The following LRRC37A2 variants were observed in gnomAD, a reference collection of about 807,000 sequenced individuals.
LRRC37A2 encodes leucine rich repeat containing 37 member A2.
LRRC37A2 carries 9 observed loss-of-function variants against 68.8 expected under a neutral mutation model. That is an observed-to-expected ratio of 0.13 (90% CI 0.08 to 0.23). LRRC37A2 has a LOEUF of 0.23. LRRC37A2 is among the 10% of genes least tolerant of loss of function. LRRC37A2 has a pLI of 1.00. For missense variants in LRRC37A2, 168 were observed against 950.4 expected (o/e 0.18, Z 10.82); for synonymous variants, 63 against 367.6 (o/e 0.17, Z 9.48).
At chr17:46,774,117 T>A in the LRRC37A2 span, among the ~76,000 whole-genome samples, 1 of 152,220 alleles carries the variant, frequency 6.6e-6, no homozygotes, top group Non-Finnish European at 1.5e-5. Context: ...TCTGGCTGCA[T>A]CCAGCTTGCA....
At chr17:46,880,942 A>T in the LRRC37A2 span, among the ~76,000 whole-genome samples, 5 of 152,322 alleles carry the variant, frequency 3.3e-5, no homozygotes, top group Admixed American at 6.5e-5. Flanking sequence ...GATGAAGCCA[A>T]CCAGGGGCCT....
chr17:46,898,833 C>G, the LRRC37A2 span, among the ~76,000 whole-genome samples: 481 of 152,306 alleles, frequency 3.2e-3, 2 homozygotes, highest in Middle Eastern at 0.014. Context: ...ATTGGTGTAA[C>G]TTCTCTGGAA....
At chr17:46,785,412 C>A in the LRRC37A2 span, among the ~76,000 whole-genome samples, 1,617 of 152,278 alleles carry the variant, frequency 0.011, 39 homozygotes, top group African/African-American at 0.034. Flanking sequence ...GGCAGTGATC[C>A]ACGCCATAGG....
At chr17:46,496,379 G>A in the LRRC37A2 span, among the ~76,000 whole-genome samples, 16 of 148,938 alleles carry the variant, frequency 1.1e-4, no homozygotes, top group Admixed American at 4.0e-4. Context: ...CGAGGCGGGT[G>A]GATCACCTGA....
the LRRC37A2 span, among the ~76,000 whole-genome samples, chr17:46,852,024 C>T: frequency 6.6e-6 from 1 of 152,238 alleles, no homozygotes; most frequent in Non-Finnish European, 1.5e-5. Flanking sequence ...GCCCCGTCCG[C>T]CCCGGCCCCG....
chr17:46,773,684 C>T, the LRRC37A2 span: 1 of 1,343,102 alleles, frequency 7.4e-7, no homozygotes, highest in Admixed American at 2.0e-5. Context: ...CGAGGACGGG[C>T]CCAAAGATGG....
chr17:46,935,073 C>G, the LRRC37A2 span: 2 of 1,611,568 alleles, frequency 1.2e-6, no homozygotes, highest in Non-Finnish European at 1.7e-6. Context: ...TGCAGTTTAA[C>G]TCCTCCCTCC....
chr17:46,551,099 T>G (rs2056759221), intron 11 of LRRC37A2, among the ~76,000 whole-genome samples: 5 of 149,962 alleles, frequency 3.3e-5, no homozygotes, highest in African/African-American at 1.0e-4. Flanking sequence ...CGTCTCATAC[T>G]CTAGCCCTCC....
the LRRC37A2 span, among the ~76,000 whole-genome samples, chr17:46,566,875 CAA>C: frequency 1.9e-4 from 2 of 10,514 alleles, no homozygotes; most frequent in African/African-American, 2.0e-4. Flanking sequence ...AGAGGAATAA[CAA>C]GATTTAGGAG....
chr17:46,770,119 A>G, the LRRC37A2 span: 9 of 1,475,236 alleles, frequency 6.1e-6, no homozygotes, highest in South Asian at 1.2e-4. Context: ...TCCACCTCCC[A>G]GGCCAGGACG....
intron 6 of LRRC37A2, among the ~76,000 whole-genome samples, chr17:46,530,443 T>A (rs1291778115): frequency 7.0e-6 from 1 of 143,428 alleles, no homozygotes; most frequent in East Asian, 2.1e-4. Context: ...TGAAAAACCA[T>A]CTGGAATAGG....
chr17:46,940,382 T>G, the LRRC37A2 span: 2 of 1,524,510 alleles, frequency 1.3e-6, no homozygotes, highest in East Asian at 2.4e-5. Context: ...GACTGGAGGG[T>G]GGACTGGGGG....
chr17:46,472,772 G>A, the LRRC37A2 span, among the ~76,000 whole-genome samples: 1 of 13,682 alleles, frequency 7.3e-5, no homozygotes, highest in African/African-American at 4.2e-4. Context: ...AAAATTAGCC[G>A]GGCATGGTGG....
the LRRC37A2 span, chr17:46,923,561 C>T: frequency 3.0e-6 from 4 of 1,313,608 alleles, no homozygotes; most frequent in South Asian, 2.5e-5. Context: ...GTTGGTAGAC[C>T]TCGAGAGGAG....
intron 8 of LRRC37A2, among the ~76,000 whole-genome samples, chr17:46,543,192 T>C (rs550382642): frequency 2.9e-4 from 43 of 150,766 alleles, no homozygotes; most frequent in Non-Finnish European, 5.1e-4. Context: ...AAATGTCTTA[T>C]GGGAGTTCAT....
the LRRC37A2 span, among the ~76,000 whole-genome samples, chr17:46,988,185 C>T: frequency 4.6e-5 from 7 of 152,124 alleles, no homozygotes; most frequent in African/African-American, 1.4e-4. Flanking sequence ...AACAAACAAA[C>T]AAACAAACAA....
chr17:46,872,793 G>T, the LRRC37A2 span: 5 of 1,360,624 alleles, frequency 3.7e-6, no homozygotes, highest in Admixed American at 1.8e-5. Flanking sequence ...AGGGCTAGGG[G>T]ACGGGGAGGG....
chr17:46,882,879 A>G, the LRRC37A2 span, among the ~76,000 whole-genome samples: 9 of 152,236 alleles, frequency 5.9e-5, no homozygotes, highest in African/African-American at 1.9e-4. Flanking sequence ...CAGCACTCCA[A>G]TAGGTGGCTC....
At chr17:46,534,689 C>T (rs2054320203) in intron 6 of LRRC37A2, among the ~76,000 whole-genome samples, 1 of 149,970 alleles carries the variant, frequency 6.7e-6, no homozygotes, top group South Asian at 2.1e-4. Flanking sequence ...TCATCATGGC[C>T]CGTTCTCAAT....
Sources: gnomAD v4.1 joint callset for allele counts (sites outside exome capture counted in the v4.1 genomes callset) on GRCh38, gnomAD v4.1.1 for gene constraint, MANE v1.5 for transcripts, NCBI Gene and HGNC (gene_info 2026-07-23, HGNC 2026-07-21) for gene names.